The following AOX1 variants were observed in gnomAD, a reference collection of about 807,000 sequenced individuals.
The protein encoded by AOX1 is aldehyde oxidase 1.
A neutral mutation model predicts 169.5 loss-of-function variants in AOX1; 153 were observed. That is an observed-to-expected ratio of 0.90 (90% CI 0.79 to 1.03). The LOEUF is 1.03. Ranked by LOEUF, AOX1 falls within the 50% of genes least tolerant of loss-of-function variation. AOX1 has a pLI of 0.00. For synonymous variants in AOX1, 562 were observed against 581.9 expected (o/e 0.97, Z 0.49); for missense variants, 1,656 against 1,663.9 (o/e 1.00, Z 0.08).
chr2:200,653,499 AG>A (rs1256383830), intron 26 of AOX1, among the ~76,000 whole-genome samples: 1 of 152,204 alleles, frequency 6.6e-6, no homozygotes. Flanking sequence ...ATTTCACAGA[AG>A]GGGAAACTGA....
chr2:200,677,247 G>A (rs1446617934), downstream of AOX1, among the ~76,000 whole-genome samples: 1 of 152,068 alleles, frequency 6.6e-6, no homozygotes, highest in Non-Finnish European at 1.5e-5. Context: ...AGGAGGAAAG[G>A]AGAGGGAGGT....
At chr2:200,659,389 T>C in intron 28 of AOX1, 96 bp downstream of exon 28, 1 of 1,353,082 alleles carries the variant, frequency 7.4e-7, no homozygotes, top group Non-Finnish European at 1.0e-6. Context: ...TTAATCCAAC[T>C]CATATCTCCT....
In AOX1 at chr2:200,638,411, T is replaced by A. The variant is rs2035285129; in HGVS notation, c.2568+109T>A. On this transcript the variant is annotated intron_variant, in intron 23 of 34. Coordinates refer to ENST00000374700, the MANE Select transcript of AOX1 (RefSeq NM_001159.4). ...CTAGTGGGGAGTAACAATGAGCAAA[T>A]CAAAAACAGAGCATCTATTTAACTT... 5.5e-6 allele frequency: 5 copies of A among 904,024 alleles called. No individual in the cohort carries two copies. The Admixed American group carries it at 6.4e-5, about 12-fold the overall frequency. 56.0% of individuals were successfully genotyped at this position (904,024 alleles called of 1,614,324 possible). A position where few individuals can be genotyped will look rare whatever the true frequency, so the allele number is the denominator to read the frequency against.
chr2:200,671,412 A>G lies in AOX1; in HGVS notation c.*733A>G, dbSNP rs547871325. On this transcript the variant is annotated 3_prime_UTR_variant, in exon 35 of 35. Coordinates refer to ENST00000374700, the MANE Select transcript of AOX1 (RefSeq NM_001159.4). ...TTTAGTTTTTACCCTAACTACTCTG[A>G]CTTGATCATTTAACATTCTGTGTAT... is the stretch of plus-strand genomic sequence containing the variant. The G allele has an allele frequency of 6.6e-6, 1 of 152,372 alleles. No homozygotes were observed. Among genetic ancestry groups the G allele is most frequent in the East Asian group, 1.9e-4 (1 of 5,196 alleles). The allele number at this position is 152,372 out of a possible 1,614,324, so 9.4% of individuals were successfully genotyped here. A position where few individuals can be genotyped will look rare whatever the true frequency, so the allele number is the denominator to read the frequency against.
chr2:200,602,088 T>C (rs993703631), intron 5 of AOX1, among the ~76,000 whole-genome samples, 196 bp from the exon 6 acceptor site: 1 of 152,034 alleles, frequency 6.6e-6, no homozygotes, highest in African/African-American at 2.4e-5. Flanking sequence ...ATACCTGAGC[T>C]TTTAAAATCT....
intron 3 of AOX1, among the ~76,000 whole-genome samples, chr2:200,595,647 C>A (rs2034267592): frequency 6.6e-6 from 1 of 151,976 alleles, no homozygotes; most frequent in Non-Finnish European, 1.5e-5. Flanking sequence ...AGGAGGATTG[C>A]TTGAGTTTGA....
intron 8 of AOX1, among the ~76,000 whole-genome samples, chr2:200,604,333 G>A (rs899498809): frequency 2.6e-5 from 4 of 152,166 alleles, no homozygotes; most frequent in African/African-American, 9.7e-5. Context: ...CTATAAAATC[G>A]TGAAATCACA....
At position 200,654,705 on chromosome 2, in the gene AOX1, A is replaced by G. The variant is rs549517724; in HGVS notation, c.3076-2137A>G. Among the ~76,000 whole-genome samples the G allele has an allele frequency of 3.3e-5, 5 of 152,326 alleles. No homozygotes were observed. In the South Asian group the frequency reaches 1.0e-3, roughly 32 times the overall value. On this transcript the variant is annotated intron_variant, in intron 26 of 34. Coordinates refer to ENST00000374700, the MANE Select transcript of AOX1 (RefSeq NM_001159.4). Reference sequence around the variant, plus strand: ...TCTGCGGGTTTGAAGCTAACTTCTCATCGATACCAGTAGTATTTGTTTGAA... The same window carrying G: ...TCTGCGGGTTTGAAGCTAACTTCTCGTCGATACCAGTAGTATTTGTTTGAA...
At position 200,661,619 on chromosome 2, in the gene AOX1, T is replaced by C. The variant is rs1162008034; in HGVS notation, c.3416T>C (p.Val1139Ala). 2 of 1,612,520 alleles carry C rather than the reference T, an allele frequency of 1.2e-6. No individual in the cohort carries two copies. Among genetic ancestry groups the C allele is most frequent in the East Asian group, 2.2e-5 (1 of 44,854 alleles). Residue 1139 changes from valine to alanine, a missense_variant, in exon 30 of 35, where the codon GTT becomes GCT. Coordinates refer to ENST00000374700, the MANE Select transcript of AOX1 (RefSeq NM_001159.4). ...AFDESINLSAVGYFRGYESDM... is the reference protein window; with the variant it reads ...AFDESINLSAAGYFRGYESDM... ...GATGAAAGCATTAACCTTTCAGCTG[T>C]TGGATACTTCAGGTAAATACTCCCT...
intron 16 of AOX1, among the ~76,000 whole-genome samples, chr2:200,617,147 T>G (rs1478302663): frequency 6.6e-6 from 1 of 152,188 alleles, no homozygotes; most frequent in Non-Finnish European, 1.5e-5. Flanking sequence ...CTTCACATAG[T>G]GCATGATCTT....
intron 15 of AOX1, among the ~76,000 whole-genome samples, chr2:200,615,223 T>TG (rs1261723455): frequency 6.6e-6 from 1 of 152,130 alleles, no homozygotes; most frequent in African/African-American, 2.4e-5. Flanking sequence ...CTCAAGCTGG[T>TG]CTTGAACTCC....
intron 16 of AOX1, among the ~76,000 whole-genome samples, chr2:200,618,672 T>C (rs576462434): frequency 2.0e-5 from 3 of 152,322 alleles, no homozygotes; most frequent in East Asian, 3.9e-4. Flanking sequence ...TTTTGTTTTT[T>C]TGAGGCCCTT....
intron 20 of AOX1, 69 bp downstream of exon 20, chr2:200,627,518 T>A: frequency 8.5e-7 from 1 of 1,171,252 alleles, no homozygotes; most frequent in Non-Finnish European, 1.3e-6. Flanking sequence ...GCTTCCTTTG[T>A]CTTCTGGAAA....
intron 29 of AOX1, 44 bp from the exon 30 acceptor site, chr2:200,661,535 C>CTT: frequency 6.6e-7 from 1 of 1,516,554 alleles, no homozygotes. Context: ...GTGATTCTTT[C>CTT]TTTGGGCATC....
intron 23 of AOX1, among the ~76,000 whole-genome samples, chr2:200,638,894 C>A (rs2035296602): frequency 2.8e-5 from 1 of 36,074 alleles, no homozygotes; most frequent in Non-Finnish European, 4.1e-5. Flanking sequence ...CAAGTAACAG[C>A]TCAATATAAT....
At chr2:200,651,232 G>GCTT in intron 26 of AOX1, 31 bp downstream of exon 26, 1 of 1,592,104 alleles carries the variant, frequency 6.3e-7, no homozygotes, top group Non-Finnish European at 8.6e-7. Context: ...TGAGGATGCT[G>GCTT]CCTGGAAGCA....
At chr2:200,646,091 C>A (rs1458364599) in intron 25 of AOX1, among the ~76,000 whole-genome samples, 1 of 151,970 alleles carries the variant, frequency 6.6e-6, no homozygotes, top group African/African-American at 2.4e-5. Context: ...AATTTCCTTT[C>A]TTCTGCTAGG....
intron 20 of AOX1, among the ~76,000 whole-genome samples, chr2:200,633,222 A>G (rs369296747): frequency 3.9e-5 from 6 of 152,140 alleles, no homozygotes; most frequent in East Asian, 1.9e-4. Context: ...CTTTGAATTT[A>G]TTCTATTTGG....
Position 200,637,084 on chromosome 2 carries a change from A to G in AOX1, c.2480+40A>G, listed in dbSNP as rs2035250591. The G allele has an allele frequency of 3.1e-6, 5 of 1,610,634 alleles. 1 individual carries two copies. Among genetic ancestry groups the G allele is most frequent in the South Asian group, 2.2e-5 (2 of 90,780 alleles). On this transcript the variant is annotated intron_variant, in intron 22 of 34. Transcript: ENST00000374700. Reference sequence around the variant, plus strand: ...TCTGCTAAAAATAAAGTGAAGTCACACTGAAAGTTCTCACTGTCAGAATCA... The same window carrying G: ...TCTGCTAAAAATAAAGTGAAGTCACGCTGAAAGTTCTCACTGTCAGAATCA...
Sources: allele counts gnomAD v4.1 joint callset (sites outside exome capture counted in the v4.1 genomes callset), GRCh38; gene constraint gnomAD v4.1.1; transcripts MANE v1.5; gene names NCBI Gene and HGNC (gene_info 2026-07-23, HGNC 2026-07-21).